The following TOX2 variants were observed in gnomAD, a reference collection of about 807,000 sequenced individuals.
TOX2 encodes granulosa cell HMG box 1.
Under a neutral mutation model 47.4 loss-of-function variants are expected in TOX2, and 15 were observed. That is an observed-to-expected ratio of 0.32 (90% CI 0.21 to 0.49). The LOEUF (loss-of-function observed/expected upper bound fraction) is 0.49. TOX2 is among the 20% of genes least tolerant of loss of function. The probability of loss-of-function intolerance (pLI) is 0.99; values close to 1 mark genes in which losing one functional copy is unlikely to be tolerated. For missense variants in TOX2, 622 were observed against 673.1 expected (o/e 0.92, Z 0.84); for synonymous variants, 290 against 296.6 (o/e 0.98, Z 0.23).
chr20:43,920,868 C>CT (rs918282293), intron 1 of TOX2, among the ~76,000 whole-genome samples: 1 of 152,172 alleles, frequency 6.6e-6, no homozygotes, highest in African/African-American at 2.4e-5. Flanking sequence ...GGGAATGGTG[C>CT]TTTTTGAGGA....
At chr20:44,054,149 C>T in intron 4 of TOX2, 150 bp from the exon 5 acceptor site, 1 of 735,950 alleles carries the variant, frequency 1.4e-6, no homozygotes. Context: ...GTGTGTGTGT[C>T]TGTCTGTCCA....
intron 1 of TOX2, among the ~76,000 whole-genome samples, chr20:43,950,385 C>A (rs149510583): frequency 6.6e-6 from 1 of 152,168 alleles, no homozygotes; most frequent in African/African-American, 2.4e-5. Flanking sequence ...CAGATAAGGC[C>A]GGTGGAAAAA....
chr20:44,034,032 T>C (rs1417549623), intron 3 of TOX2, among the ~76,000 whole-genome samples: 1 of 152,218 alleles, frequency 6.6e-6, no homozygotes, highest in Non-Finnish European at 1.5e-5. Context: ...TCTGCAAGCA[T>C]GCTTACCCTC....
In TOX2 at chr20:43,974,546, C is replaced by T. The variant is rs369732024; in HGVS notation, c.165+1114C>T. Among the ~76,000 whole-genome samples the T allele has an allele frequency of 3.0e-4, 46 of 152,332 alleles. 1 individual carries two copies. Among genetic ancestry groups the T allele is most frequent in the Middle Eastern group, 6.8e-3 (2 of 294 alleles). On this transcript the variant is annotated intron_variant, in intron 2 of 8. Coordinates refer to ENST00000341197, the MANE Select transcript of TOX2 (RefSeq NM_001098797.2). ...AACTTGGGAAGCTGGAGGGCAACCC[C>T]GGCCCTGGAGCTGACCTCTACCCTC...
chr20:44,048,734 G>C (rs2071458333), intron 3 of TOX2, among the ~76,000 whole-genome samples: 1 of 151,242 alleles, frequency 6.6e-6, no homozygotes, highest in African/African-American at 2.4e-5. Flanking sequence ...ATTCATATCA[G>C]ACTCCACTGA....
chr20:43,966,597 A>G (rs1384708119), intron 1 of TOX2, among the ~76,000 whole-genome samples: 1 of 152,074 alleles, frequency 6.6e-6, no homozygotes, highest in African/African-American at 2.4e-5. Context: ...GTCTCTAAAA[A>G]TACAAATTTA....
At chr20:44,014,828 T>G (rs546543380) in intron 3 of TOX2, among the ~76,000 whole-genome samples, 25 of 152,150 alleles carry the variant, frequency 1.6e-4, no homozygotes, top group Middle Eastern at 3.4e-3. Flanking sequence ...ACCAACTTTG[T>G]CGGGGGCTGA....
chr20:43,926,749 A>C (rs1343661591), intron 1 of TOX2, among the ~76,000 whole-genome samples: 1 of 152,236 alleles, frequency 6.6e-6, no homozygotes, highest in Non-Finnish European at 1.5e-5. Context: ...AGGACCAATG[A>C]AACATTCAGA....
rs544446853 is a variant in TOX2, at chr20:43,949,759, C to T, written c.100-23608C>T. On this transcript the variant is annotated intron_variant, in intron 1 of 8. Coordinates refer to ENST00000341197, the MANE Select transcript of TOX2 (RefSeq NM_001098797.2). ...TCTCTGATTGCCCCCACCGTCTAGC[C>T]GCAACTATCAGAGCCAGGGTCCCCT... 1.4e-4 allele frequency among the ~76,000 whole-genome samples: 22 copies of T among 152,294 alleles called. No homozygotes were observed. The South Asian group carries it at 3.3e-3, about 23-fold the overall frequency.
intron 1 of TOX2, among the ~76,000 whole-genome samples, chr20:43,920,794 A>G (rs531434623): frequency 6.6e-5 from 10 of 152,180 alleles, no homozygotes; most frequent in Non-Finnish European, 1.3e-4. Context: ...GTGGAAATAT[A>G]ATGAAATAAA....
chr20:43,990,424 G>A (rs1342754768), intron 2 of TOX2, among the ~76,000 whole-genome samples: 7 of 152,096 alleles, frequency 4.6e-5, no homozygotes, highest in African/African-American at 1.7e-4. Flanking sequence ...ACAGGAGCAC[G>A]GGGTCCAGGC....
At chr20:43,935,141 C>G (rs568936781) in intron 1 of TOX2, among the ~76,000 whole-genome samples, 2 of 152,082 alleles carry the variant, frequency 1.3e-5, no homozygotes, top group Non-Finnish European at 2.9e-5. Flanking sequence ...CAGATGAAGA[C>G]AGATTGGGCT....
Position 43,915,048 on chromosome 20 carries a change from G to C in TOX2, c.99+58G>C, listed in dbSNP as rs1308611201. 5 of 1,070,672 alleles carry C rather than the reference G, an allele frequency of 4.7e-6. No homozygotes were observed. The African/African-American group carries it at 5.0e-5, about 11-fold the overall frequency. The allele number at this position is 1,070,672 out of a possible 1,614,324, so 66.3% of individuals were successfully genotyped here. A position where few individuals can be genotyped will look rare whatever the true frequency, so the allele number is the denominator to read the frequency against. On this transcript the variant is annotated intron_variant, in intron 1 of 8. Transcript: ENST00000341197. The surrounding 1 kb of genome is among the most constrained non-coding windows in gnomAD (Gnocchi z 7.1). ...CGGGGCCGGAGTCACCTGGCAGCTC[G>C]GGACTCAGGCGCTCCCGGGGTCACA...
At chr20:44,045,467 T>C (rs1175872743) in intron 3 of TOX2, among the ~76,000 whole-genome samples, 1 of 152,192 alleles carries the variant, frequency 6.6e-6, no homozygotes, top group Non-Finnish European at 1.5e-5. Flanking sequence ...CTTGAAGTCT[T>C]TTGCAGTTTT....
intron 1 of TOX2, among the ~76,000 whole-genome samples, chr20:43,966,214 GT>G (rs1438999955): frequency 2.0e-5 from 3 of 152,212 alleles, no homozygotes; most frequent in Non-Finnish European, 4.4e-5. Flanking sequence ...CTCGTAAGTA[GT>G]GGAACCAGTC....
intron 2 of TOX2, among the ~76,000 whole-genome samples, chr20:43,975,065 T>G (rs905085799): frequency 6.6e-6 from 1 of 152,246 alleles, no homozygotes; most frequent in African/African-American, 2.4e-5. Context: ...CAGACCAGAG[T>G]TAGCCCTGAC....
Position 44,000,603 on chromosome 20 carries a change from C to G in TOX2, c.166-5944C>G, listed in dbSNP as rs536904887. ...GGAAGGTCTGGCTCGGTGGTAAGAA[C>G]TGGAGCTCAGCAGCATACAGATGGT... On this transcript the variant is annotated intron_variant, in intron 2 of 8. Coordinates refer to ENST00000341197, the MANE Select transcript of TOX2 (RefSeq NM_001098797.2). Among the ~76,000 whole-genome samples the G allele has an allele frequency of 2.0e-5, 3 of 152,118 alleles. No individual in the cohort carries two copies. In the South Asian group the frequency reaches 6.2e-4, roughly 32 times the overall value.
chr20:43,939,212 G>T (rs937618992), intron 1 of TOX2, among the ~76,000 whole-genome samples: 17 of 152,192 alleles, frequency 1.1e-4, no homozygotes, highest in African/African-American at 3.9e-4. Flanking sequence ...TTCTGTCTGT[G>T]ACAATTACTA....
At chr20:43,998,007 G>C (rs1486813350) in intron 2 of TOX2, among the ~76,000 whole-genome samples, 1 of 152,166 alleles carries the variant, frequency 6.6e-6, no homozygotes, top group African/African-American at 2.4e-5. Flanking sequence ...ATAAAGAAAA[G>C]AGGTTTAATT....
Sources: gnomAD v4.1 joint callset for allele counts (sites outside exome capture counted in the v4.1 genomes callset) on GRCh38, gnomAD v4.1.1 for gene constraint, Gnocchi (gnomAD v3.1) non-coding constraint, MANE v1.5 for transcripts, NCBI Gene and HGNC (gene_info 2026-07-23, HGNC 2026-07-21) for gene names.